The following RELL1 variants were observed in gnomAD, a reference collection of about 807,000 sequenced individuals.
RELL1 encodes the protein RELT-like protein 1.
RELL1 carries 10 observed loss-of-function variants against 23.0 expected under a neutral mutation model. That is an observed-to-expected ratio of 0.43 (90% confidence interval 0.27 to 0.74). The LOEUF is 0.74. RELL1 is among the 30% of genes least tolerant of loss of function. The probability of loss-of-function intolerance (pLI) is 0.19; values close to 1 mark genes in which losing one functional copy is unlikely to be tolerated. For missense variants in RELL1, 315 were observed against 364.4 expected, an observed-to-expected ratio of 0.86 and a Z score of 1.10; for synonymous variants, 146 against 146.8, an observed-to-expected ratio of 0.99 and a Z score of 0.04.
intron 3 of RELL1, among the ~76,000 whole-genome samples, chr4:37,646,644 A>G (rs1720718485): frequency 6.6e-6 from 1 of 152,238 alleles, no homozygotes; most frequent in Non-Finnish European, 1.5e-5. Context: ...GGAACAGACA[A>G]TATTTGAGTA....
At chr4:37,660,842 TAA>T (rs1721318217) in intron 1 of RELL1, among the ~76,000 whole-genome samples, 1 of 152,048 alleles carries the variant, frequency 6.6e-6, no homozygotes, top group Non-Finnish European at 1.5e-5. Context: ...CCATCCTGGC[TAA>T]CACGGTGAAA....
intron 1 of RELL1, among the ~76,000 whole-genome samples, chr4:37,678,053 G>A (rs965728999): frequency 5.3e-5 from 8 of 152,224 alleles, no homozygotes; most frequent in African/African-American, 1.9e-4. Context: ...TCTGCAGGCT[G>A]TATAGGAAGC....
downstream of RELL1, among the ~76,000 whole-genome samples, chr4:37,587,092 C>T (rs1188281863): frequency 6.6e-6 from 1 of 152,164 alleles, no homozygotes; most frequent in Non-Finnish European, 1.5e-5. Flanking sequence ...CCTCTTCCAG[C>T]TTGGGGGGCT....
chr4:37,607,254 G>A (rs778177899), downstream of RELL1, among the ~76,000 whole-genome samples: 10 of 152,320 alleles, frequency 6.6e-5, no homozygotes, highest in East Asian at 5.8e-4. Flanking sequence ...TCCAAAGAAC[G>A]TTGTGGTTTA....
chr4:37,587,607 C>G (rs1384859112), downstream of RELL1, among the ~76,000 whole-genome samples: 3 of 152,170 alleles, frequency 2.0e-5, no homozygotes, highest in Non-Finnish European at 4.4e-5. Context: ...AATGATGTCT[C>G]TTTCTGGTGC....
chr4:37,674,679 T>C (rs1721961413), intron 1 of RELL1, among the ~76,000 whole-genome samples: 1 of 152,242 alleles, frequency 6.6e-6, no homozygotes, highest in Non-Finnish European at 1.5e-5. Context: ...TGTTGGGGAC[T>C]TCCAGCTATG....
At chr4:37,684,301 ATCCTT>A (rs1201925656) in intron 1 of RELL1, among the ~76,000 whole-genome samples, 1 of 151,364 alleles carries the variant, frequency 6.6e-6, no homozygotes, top group Admixed American at 6.6e-5. Flanking sequence ...TGTGCTCTGT[ATCCTT>A]TCCTTTTTAG....
intron 3 of RELL1, among the ~76,000 whole-genome samples, chr4:37,642,479 A>AC (rs1402869850): frequency 1.3e-5 from 2 of 152,246 alleles, no homozygotes; most frequent in African/African-American, 2.4e-5. Flanking sequence ...GCACTGCCGT[A>AC]CATCCAACCC....
rs200166572 is a variant in RELL1, at chr4:37,629,680, GCTAA to G, written c.*3+1701_*3+1704del. On this transcript the variant is annotated intron_variant, in intron 6 of 6. Transcript: ENST00000454158. ...TCTCCCCACAGGCAAAACCGCGAGG[GCTAA>G]CTAACACTAGAAAATGATCAGAGTC... is the stretch of plus-strand genomic sequence containing the variant. Among the ~76,000 whole-genome samples the G allele has an allele frequency of 3.2e-3, 482 of 152,234 alleles. 9 individuals are homozygous for G. The highest frequency in any genetic ancestry group is 0.02 in the South Asian group (97 of 4,818).
chr4:37,627,917 G>T (rs1273013923), intron 6 of RELL1, among the ~76,000 whole-genome samples: 1 of 152,160 alleles, frequency 6.6e-6, no homozygotes, highest in Non-Finnish European at 1.5e-5. Context: ...CTGCATTCCA[G>T]TGCAGATCTT....
intron 1 of RELL1, among the ~76,000 whole-genome samples, chr4:37,683,814 G>C (rs1577616288): frequency 6.6e-6 from 1 of 151,868 alleles, no homozygotes; most frequent in African/African-American, 2.4e-5. Flanking sequence ...GGGCGCGGTG[G>C]CTCACGCCTG....
At chr4:37,633,302 G>A (rs796550794) in intron 5 of RELL1, among the ~76,000 whole-genome samples, 6 of 150,966 alleles carry the variant, frequency 4.0e-5, no homozygotes, top group Admixed American at 1.3e-4. Context: ...CCAGCTACTC[G>A]GGAGGCTGAG....
At chr4:37,638,605 G>C in intron 3 of RELL1, 101 bp from the exon 4 acceptor site, 2 of 886,172 alleles carry the variant, frequency 2.3e-6, no homozygotes, top group South Asian at 1.8e-5. Context: ...CATTCTTTCA[G>C]TTCATAGATG....
downstream of RELL1, among the ~76,000 whole-genome samples, chr4:37,605,846 G>A (rs13116046): frequency 0.33 from 33,456 of 100,676 alleles, 6,129 homozygotes; most frequent in Non-Finnish European, 0.45. Context: ...AAAGAAAGAA[G>A]GAAAAGAAAA....
intron 1 of RELL1, among the ~76,000 whole-genome samples, chr4:37,660,855 C>T (rs934771481): frequency 6.6e-6 from 1 of 152,062 alleles, no homozygotes; most frequent in Non-Finnish European, 1.5e-5. Context: ...CACGGTGAAA[C>T]CCCGTCTCTA....
At chr4:37,673,197 T>C (rs929863657) in intron 1 of RELL1, among the ~76,000 whole-genome samples, 5 of 116,372 alleles carry the variant, frequency 4.3e-5, no homozygotes, top group African/African-American at 1.6e-4. Context: ...TTTTTTTTTT[T>C]TTTTTTTTTT....
intron 6 of RELL1, among the ~76,000 whole-genome samples, chr4:37,630,179 T>C (rs1463425008): frequency 6.6e-6 from 1 of 151,868 alleles, no homozygotes; most frequent in Non-Finnish European, 1.5e-5. Context: ...CAGGCTCTGA[T>C]GGTTCCATGG....
At chr4:37,615,740 G>T (rs1244769073) in intron 6 of RELL1, among the ~76,000 whole-genome samples, 1 of 152,170 alleles carries the variant, frequency 6.6e-6, no homozygotes, top group Non-Finnish European at 1.5e-5. Flanking sequence ...AAATCCCAAA[G>T]TGTAACCATT....
At chr4:37,631,306 A>T in intron 6 of RELL1, 79 bp downstream of exon 6, 1 of 1,467,196 alleles carries the variant, frequency 6.8e-7, no homozygotes, top group Non-Finnish European at 9.2e-7. Context: ...CTATGCTGCC[A>T]CAGCACCTGG....
Sources: gnomAD v4.1 joint callset for allele counts (sites outside exome capture counted in the v4.1 genomes callset) on GRCh38, gnomAD v4.1.1 for gene constraint, MANE v1.5 for transcripts, NCBI Gene and HGNC (gene_info 2026-07-23, HGNC 2026-07-21) for gene names.